The following C5orf63 variants were observed in gnomAD, a reference collection of about 807,000 sequenced individuals.
C5orf63 encodes glutaredoxin-like protein C5orf63.
A neutral mutation model predicts 13.3 loss-of-function variants in C5orf63; 18 were observed. That is an observed-to-expected ratio of 1.36 (90% CI 0.94 to 2.01). C5orf63 has a LOEUF of 2.01. C5orf63 is among the 30% of genes most tolerant of loss of function. The pLI is 0.00. For synonymous variants in C5orf63, 38 were observed against 44.7 expected (o/e 0.85, Z 0.60); for missense variants, 118 against 127.7 (o/e 0.92, Z 0.36).
downstream of C5orf63, chr5:127,051,266 GTAT>G (rs1753662153): frequency 8.4e-7 from 1 of 1,183,436 alleles, no homozygotes; most frequent in South Asian, 4.4e-5. Context: ...TTTTAAACAG[GTAT>G]TATTAAATCC....
downstream of C5orf63, chr5:127,051,204 C>A (rs1443728300): frequency 2.8e-6 from 2 of 721,208 alleles, no homozygotes; most frequent in Non-Finnish European, 3.8e-6. Flanking sequence ...TCAAATGATG[C>A]CTCTTTGGCT....
At chr5:127,065,702 T>C (rs1441812937) in intron 2 of C5orf63, among the ~76,000 whole-genome samples, 1 of 152,180 alleles carries the variant, frequency 6.6e-6, no homozygotes, top group Non-Finnish European at 1.5e-5. Flanking sequence ...GAATGAGTGA[T>C]GTGATAAAAT....
At chr5:127,073,311 C>T (rs972730912) in intron 1 of C5orf63, 140 bp downstream of exon 1, 1 of 152,182 alleles carries the variant, frequency 6.6e-6, no homozygotes, top group Non-Finnish European at 1.5e-5. Flanking sequence ...GGATTTATGG[C>T]TCCCGGTTTA....
chr5:127,056,681 A>T lies in C5orf63; in HGVS notation c.114+2201T>A, dbSNP rs540134875. Among the ~76,000 whole-genome samples, 3 of 152,330 alleles carry T rather than the reference A, an allele frequency of 2.0e-5. No individual in the cohort carries two copies. In the South Asian group the frequency reaches 6.2e-4, roughly 32 times the overall value. On this transcript the variant is annotated intron_variant, in intron 3 of 4. Transcript: ENST00000296662. ...GGGACACAGAGCCAAACCATATCAC[A>T]TGAGAAGAACTAGAGGGGGATTTAA...
chr5:127,068,760 T>C (rs1754420523), intron 2 of C5orf63, among the ~76,000 whole-genome samples: 1 of 152,192 alleles, frequency 6.6e-6, no homozygotes, highest in Non-Finnish European at 1.5e-5. Flanking sequence ...TGGAGGAGTC[T>C]ACTCAGTAAT....
chr5:127,059,250 CA>C (rs1305228121), intron 2 of C5orf63, among the ~76,000 whole-genome samples: 1 of 152,136 alleles, frequency 6.6e-6, no homozygotes, highest in African/African-American at 2.4e-5. Flanking sequence ...TATGCCTAAT[CA>C]CTTGGTTTCT....
downstream of C5orf63, among the ~76,000 whole-genome samples, chr5:127,048,071 C>T (rs140794330): frequency 1.5e-4 from 23 of 152,044 alleles, no homozygotes; most frequent in African/African-American, 5.3e-4. Context: ...CAATTACTGG[C>T]GATGTCTTGC....
downstream of C5orf63, chr5:127,047,901 A>G (rs561402623): frequency 5.7e-6 from 4 of 700,282 alleles, no homozygotes; most frequent in Non-Finnish European, 1.0e-5. Context: ...GCAGCTTCTG[A>G]TCCTTGTAGG....
intron 2 of C5orf63, among the ~76,000 whole-genome samples, chr5:127,059,829 C>T (rs1436215244): frequency 2.0e-5 from 3 of 151,956 alleles, no homozygotes; most frequent in African/African-American, 7.2e-5. Context: ...GAGACCTATG[C>T]TTCTCCACTG....
At chr5:127,050,505 T>C (rs188446969), downstream of C5orf63, among the ~76,000 whole-genome samples, 12 of 152,164 alleles carry the variant, frequency 7.9e-5, no homozygotes, top group Admixed American at 6.5e-4. Context: ...CAGATTTGTG[T>C]TGGATCCAAA....
chr5:127,051,951 A>T lies in C5orf63; in HGVS notation c.172-4T>A. Reference sequence around the variant, plus strand: ...TGTTCACCTCCTGTAAAATGAACTGAAACAGAGACAGACTAAAGCTCTGTA... The same window carrying T: ...TGTTCACCTCCTGTAAAATGAACTGTAACAGAGACAGACTAAAGCTCTGTA... On this transcript the variant is annotated splice_region_variant and splice_polypyrimidine_tract_variant and intron_variant, in intron 4 of 4. Coordinates refer to ENST00000296662, the MANE Select transcript of C5orf63 (RefSeq NM_001164478.2). The T allele has an allele frequency of 2.0e-6, 3 of 1,493,058 alleles. No homozygotes were observed. Among genetic ancestry groups the T allele is most frequent in the Non-Finnish European group, 2.7e-6 (3 of 1,125,610 alleles). The allele number at this position is 1,493,058 out of a possible 1,614,324, so 92.5% of individuals were successfully genotyped here.
downstream of C5orf63, chr5:127,044,415 G>A (rs1477588591): frequency 6.6e-6 from 1 of 152,000 alleles, no homozygotes; most frequent in Non-Finnish European, 1.5e-5. Flanking sequence ...GTTTAGCTTT[G>A]GTAGTCATCT....
rs532663789 is a variant in C5orf63 at position 127,061,906 on chromosome 5, G to A, written c.-7-2904C>T. Among the ~76,000 whole-genome samples, 3 of 152,318 alleles carry A rather than the reference G, an allele frequency of 2.0e-5. No individual in the cohort carries two copies. The South Asian group carries it at 6.2e-4, about 32-fold the overall frequency. On this transcript the variant is annotated intron_variant, in intron 2 of 4. Transcript: ENST00000296662. ...TTTTATTAAAGGTCCCTGGAAATGA[G>A]GAGGATTAGGCCATCTGTGGTGGTG...
At position 127,062,374 on chromosome 5, in the gene C5orf63, A is replaced by G. The variant is rs567365082; in HGVS notation, c.-7-3372T>C. ...CATCTATTTACTGAGAAATGCATCC[A>G]TATTATGCAATTTTACTACCTGCAT... On this transcript the variant is annotated intron_variant, in intron 2 of 4. Coordinates refer to ENST00000296662, the MANE Select transcript of C5orf63 (RefSeq NM_001164478.2). Among the ~76,000 whole-genome samples, 192 of 152,298 alleles carry G rather than the reference A, an allele frequency of 1.3e-3. 1 individual carries two copies. The highest frequency in any genetic ancestry group is 2.5e-3 in the Non-Finnish European group (167 of 68,028).
Position 127,051,539 on chromosome 5 carries a change from T to A in C5orf63, c.*232A>T. The A allele has an allele frequency of 1.6e-6, 2 of 1,239,482 alleles. No individual in the cohort carries two copies. Among genetic ancestry groups the A allele is most frequent in the Non-Finnish European group, 2.0e-6 (2 of 992,314 alleles). The allele number at this position is 1,239,482 out of a possible 1,614,324, so 76.8% of individuals were successfully genotyped here. A position where few individuals can be genotyped will look rare whatever the true frequency, so the allele number is the denominator to read the frequency against. The stretch of plus-strand genomic sequence containing the variant: ...AATGGACTTCTCCCTCCCTCCATCA[T>A]CTCCCTCCCTGCTAATATGCTCTTC... On this transcript the variant is annotated 3_prime_UTR_variant, in exon 5 of 5. Coordinates refer to ENST00000296662, the MANE Select transcript of C5orf63 (RefSeq NM_001164478.2).
At chr5:127,053,319 G>A (rs973151819) in intron 3 of C5orf63, among the ~76,000 whole-genome samples, 3 of 152,116 alleles carry the variant, frequency 2.0e-5, no homozygotes, top group African/African-American at 4.8e-5. Context: ...CCATCTAGCA[G>A]AGAAGTCTGT....
chr5:127,050,876 A>T (rs1336066506), downstream of C5orf63, among the ~76,000 whole-genome samples: 1 of 152,216 alleles, frequency 6.6e-6, no homozygotes, highest in Non-Finnish European at 1.5e-5. Flanking sequence ...TTTTGTTTTC[A>T]AGTGAATCCA....
rs559481391 is a variant in C5orf63 at position 127,060,994 on chromosome 5, A to G, written c.-7-1992T>C. On this transcript the variant is annotated intron_variant, in intron 2 of 4. Transcript: ENST00000296662. Reference sequence around the variant, plus strand: ...CCTGGCACATAATAGGCACTCAAATATTTATTTGTATGTTAAAAGTATTGA... The same window carrying G: ...CCTGGCACATAATAGGCACTCAAATGTTTATTTGTATGTTAAAAGTATTGA... 1.9e-4 allele frequency among the ~76,000 whole-genome samples: 29 copies of G among 152,308 alleles called. No individual in the cohort carries two copies. The East Asian group carries it at 5.0e-3, about 26-fold the overall frequency.
chr5:127,051,367 C>G lies in C5orf63; in HGVS notation c.*404G>C, dbSNP rs974871555. 3 of 1,231,996 alleles carry G rather than the reference C, an allele frequency of 2.4e-6. No individual in the cohort carries two copies. Among genetic ancestry groups the G allele is most frequent in the Middle Eastern group, 3.1e-4 (1 of 3,204 alleles). 76.3% of individuals were successfully genotyped at this position (1,231,996 alleles called of 1,614,324 possible). ...ATTAACAATTCACATTTCACTTTAT[C>G]TACTGAGTGGAAGAGCATTTATTCT... On this transcript the variant is annotated 3_prime_UTR_variant, in exon 5 of 5. Transcript: ENST00000296662.
Sources: gnomAD v4.1 joint callset for allele counts (sites outside exome capture counted in the v4.1 genomes callset) on GRCh38, gnomAD v4.1.1 for gene constraint, MANE v1.5 for transcripts, NCBI Gene and HGNC (gene_info 2026-07-23, HGNC 2026-07-21) for gene names.